Variants in SLC4A10 observed in about 807,000 individuals in gnomAD.
The protein encoded by SLC4A10 is sodium-driven chloride bicarbonate exchanger.
A neutral mutation model predicts 137.7 loss-of-function variants in SLC4A10; 42 were observed. That is an observed-to-expected ratio of 0.30 (90% CI 0.24 to 0.39). The LOEUF (loss-of-function observed/expected upper bound fraction) is 0.39, where lower values mean the gene tolerates loss of function less well. SLC4A10 is among the 10% of genes least tolerant of loss of function. SLC4A10 has a pLI of 1.00. For missense variants in SLC4A10, 925 were observed against 1,355.0 expected (o/e 0.68, Z 4.98); for synonymous variants, 474 against 464.1 (o/e 1.02, Z -0.27).
At chr2:161,784,753 A>T (rs1337374615) in intron 2 of SLC4A10, among the ~76,000 whole-genome samples, 2 of 151,678 alleles carry the variant, frequency 1.3e-5, no homozygotes, top group Non-Finnish European at 3.0e-5. Context: ...CCAAAGCACT[A>T]TTAAAAGATA....
chr2:161,905,714 T>A lies in SLC4A10; in HGVS notation c.1824T>A (p.Leu608=). 1.2e-6 allele frequency: 2 copies of A among 1,614,030 alleles called. No individual in the cohort carries two copies. Among genetic ancestry groups the A allele is most frequent in the Non-Finnish European group, 1.7e-6 (2 of 1,179,894 alleles). ...GGACTGCAACTCTATGTATCATACT[T>A]GTGGCCACAGATGCTAGTTCCCTTG... ...GLWTATLCII[L]VATDASSLVC... is the part of the protein sequence containing the mutation. Residue 608 remains leucine, a synonymous_variant, in exon 15 of 27, where the codon CTT becomes CTA. Transcript: ENST00000446997.
chr2:161,661,479 A>G lies in SLC4A10; in HGVS notation c.48+36913A>G, dbSNP rs1175282268. On this transcript the variant is annotated intron_variant, in intron 1 of 26. Coordinates refer to ENST00000446997, the MANE Select transcript of SLC4A10 (RefSeq NM_001178015.2). Reference sequence around the variant, plus strand: ...CAGAGCGAGACTGCGTCTCAAAAAAAGAGAGACAAGAATAGTGTTTAATGA... The same window carrying G: ...CAGAGCGAGACTGCGTCTCAAAAAAGGAGAGACAAGAATAGTGTTTAATGA... 3.3e-5 allele frequency among the ~76,000 whole-genome samples: 5 copies of G among 152,292 alleles called. No individual in the cohort carries two copies. The East Asian group carries it at 7.7e-4, about 23-fold the overall frequency.
chr2:161,687,511 G>A (rs1046358365), intron 1 of SLC4A10, among the ~76,000 whole-genome samples: 1 of 152,020 alleles, frequency 6.6e-6, no homozygotes, highest in Non-Finnish European at 1.5e-5. Flanking sequence ...CATAATTAAC[G>A]GAATTATAGC....
chr2:161,849,594 C>T (rs575453447), intron 4 of SLC4A10, among the ~76,000 whole-genome samples: 16 of 152,066 alleles, frequency 1.1e-4, no homozygotes, highest in South Asian at 4.2e-4. Flanking sequence ...TAGTTTTTTG[C>T]GGGTTTCAAA....
At chr2:161,796,130 T>C (rs779103691) in intron 2 of SLC4A10, among the ~76,000 whole-genome samples, 2 of 152,216 alleles carry the variant, frequency 1.3e-5, no homozygotes, top group Non-Finnish European at 2.9e-5. Flanking sequence ...TTCAATTTTG[T>C]ATTTTATATC....
intron 4 of SLC4A10, among the ~76,000 whole-genome samples, chr2:161,845,091 G>T (rs1280124939): frequency 6.6e-6 from 1 of 152,068 alleles, no homozygotes; most frequent in Non-Finnish European, 1.5e-5. Flanking sequence ...GTCATTAACT[G>T]CAATCAGGCA....
intron 2 of SLC4A10, among the ~76,000 whole-genome samples, chr2:161,783,215 A>G (rs2053246708): frequency 6.6e-6 from 1 of 151,968 alleles, no homozygotes; most frequent in Admixed American, 6.6e-5. Flanking sequence ...CAACCAGGAA[A>G]CCTAGACCAA....
At chr2:161,902,141 T>G in intron 12 of SLC4A10, 1 of 455,968 alleles carries the variant, frequency 2.2e-6, no homozygotes, top group South Asian at 1.6e-5. Context: ...GGTGTACATC[T>G]GGGCTGCTCT....
At chr2:161,771,660 A>C (rs528720563) in intron 2 of SLC4A10, among the ~76,000 whole-genome samples, 8 of 151,908 alleles carry the variant, frequency 5.3e-5, no homozygotes, top group Non-Finnish European at 1.2e-4. Flanking sequence ...AAGCAAGGAT[A>C]ATAATGGAAT....
chr2:161,907,454 C>A (rs925051373), intron 15 of SLC4A10, among the ~76,000 whole-genome samples: 1 of 152,162 alleles, frequency 6.6e-6, no homozygotes, highest in Non-Finnish European at 1.5e-5. Context: ...CTACTACATG[C>A]CAGGCACTAT....
intron 4 of SLC4A10, among the ~76,000 whole-genome samples, chr2:161,852,695 G>T (rs1305599949): frequency 6.6e-6 from 1 of 152,078 alleles, no homozygotes; most frequent in African/African-American, 2.4e-5. Context: ...GAACTGAAAA[G>T]GACTATAAAT....
chr2:161,964,539 T>G (rs1697254855), intron 22 of SLC4A10, among the ~76,000 whole-genome samples: 1 of 152,188 alleles, frequency 6.6e-6, no homozygotes, highest in East Asian at 1.9e-4. Context: ...TAGTCTGAAT[T>G]AATTGAAGCT....
At chr2:161,747,713 G>A (rs1211795605) in intron 1 of SLC4A10, among the ~76,000 whole-genome samples, 1 of 152,048 alleles carries the variant, frequency 6.6e-6, no homozygotes, top group South Asian at 2.1e-4. Flanking sequence ...AAACACTTAA[G>A]TTGTTTCCAT....
At chr2:161,833,137 T>A (rs934121606) in intron 3 of SLC4A10, among the ~76,000 whole-genome samples, 5 of 152,278 alleles carry the variant, frequency 3.3e-5, no homozygotes, top group Admixed American at 1.3e-4. Flanking sequence ...ACCAGGCAAA[T>A]TATTAGAACT....
intron 4 of SLC4A10, among the ~76,000 whole-genome samples, chr2:161,842,340 A>G (rs1368751762): frequency 6.6e-6 from 1 of 152,196 alleles, no homozygotes; most frequent in Non-Finnish European, 1.5e-5. Flanking sequence ...ATCCTTTCAC[A>G]GTAAATTATC....
At chr2:161,632,999 A>T (rs2033834563) in intron 1 of SLC4A10, among the ~76,000 whole-genome samples, 1 of 151,600 alleles carries the variant, frequency 6.6e-6, no homozygotes, top group African/African-American at 2.4e-5. Flanking sequence ...GTGTATATAC[A>T]TGTATATATA....
intron 6 of SLC4A10, among the ~76,000 whole-genome samples, chr2:161,871,960 C>T (rs186806126): frequency 2.0e-5 from 3 of 152,118 alleles, no homozygotes; most frequent in African/African-American, 7.2e-5. Flanking sequence ...TTTTTATATA[C>T]GCCATTAGTT....
intron 15 of SLC4A10, among the ~76,000 whole-genome samples, chr2:161,932,031 TG>T (rs1690488868): frequency 6.6e-6 from 1 of 152,240 alleles, no homozygotes; most frequent in Non-Finnish European, 1.5e-5. Context: ...GTTTCCTTTT[TG>T]TCATTAATAA....
At chr2:161,980,239 AC>A (rs1219404962) in intron 26 of SLC4A10, among the ~76,000 whole-genome samples, 4 of 151,674 alleles carry the variant, frequency 2.6e-5, no homozygotes, top group East Asian at 1.9e-4. Flanking sequence ...TATCCGCTCT[AC>A]CCCCCAACAC....
Sources: allele counts gnomAD v4.1 joint callset (sites outside exome capture counted in the v4.1 genomes callset), GRCh38; gene constraint gnomAD v4.1.1; transcripts MANE v1.5; gene names NCBI Gene and HGNC (gene_info 2026-07-23, HGNC 2026-07-21).